GCSH: variants seen among roughly 807,000 people sequenced by gnomAD.
GCSH encodes the protein glycine cleavage system H protein, mitochondrial.
A neutral mutation model predicts 21.3 loss-of-function variants in GCSH; 15 were observed. That is an observed-to-expected ratio of 0.70 (90% CI 0.47 to 1.08). The LOEUF (loss-of-function observed/expected upper bound fraction) is 1.08. Ranked by LOEUF, GCSH falls within the 50% of genes least tolerant of loss-of-function variation. GCSH has a pLI of 0.00. For missense variants in GCSH, 179 were observed against 217.5 expected (o/e 0.82, Z 1.11); for synonymous variants, 59 against 84.5 (o/e 0.70, Z 1.66).
rs1032394934 is a variant in GCSH, at chr16:81,090,899, C to G, written c.149-219G>C. ...AAGCAAAGATGGCTTCATCTGAACA[C>G]CTTGTGCATCTTTTGGAGATTGGAT... On this transcript the variant is annotated intron_variant, in intron 1 of 4. Coordinates refer to ENST00000315467, the MANE Select transcript of GCSH (RefSeq NM_004483.5). 1.3e-5 allele frequency: 8 copies of G among 611,098 alleles called. No individual in the cohort carries two copies. In the Admixed American group the frequency reaches 2.1e-4, roughly 16 times the overall value. The allele number at this position is 611,098 out of a possible 1,614,324, so 37.9% of individuals were successfully genotyped here.
intron 1 of GCSH, among the ~76,000 whole-genome samples, chr16:81,092,433 T>C (rs1056627346): frequency 6.6e-6 from 1 of 152,170 alleles, no homozygotes; most frequent in Non-Finnish European, 1.5e-5. Context: ...AAATAATTTT[T>C]TTTTTCCTTA....
intron 1 of GCSH, 167 bp from the exon 2 acceptor site, chr16:81,090,847 T>C (rs1031435417): frequency 1.3e-5 from 9 of 683,142 alleles, no homozygotes; most frequent in Non-Finnish European, 2.7e-6. Flanking sequence ...TGTATAGAGA[T>C]GACGCATTTA....
In GCSH at chr16:81,096,176, C is replaced by A; in HGVS notation, c.103G>T (p.Val35Leu). The A allele has an allele frequency of 2.3e-6, 3 of 1,318,418 alleles. No homozygotes were observed. The highest frequency in any genetic ancestry group is 2.2e-5 in the South Asian group (1 of 45,908). 81.7% of individuals were successfully genotyped at this position (1,318,418 alleles called of 1,614,324 possible). ...GTGCGCAGCGTACGGACGGCGCCCA[C>A]CCCCAGCTGCCAGGGCCTCGGCGGG... ...PCPPRPWQLG[V>L]GAVRTLRTGP... Residue 35 changes from valine to leucine, a missense_variant, in exon 1 of 5, where the codon GTG becomes TTG. Coordinates refer to ENST00000315467, the MANE Select transcript of GCSH (RefSeq NM_004483.5).
intron 1 of GCSH, among the ~76,000 whole-genome samples, chr16:81,093,102 C>A (rs532807346): frequency 1.1e-4 from 16 of 144,998 alleles, no homozygotes; most frequent in African/African-American, 2.3e-4. Flanking sequence ...ATTGCCTGGG[C>A]GACTAGCGAA....
intron 4 of GCSH, chr16:81,084,229 T>C: frequency 5.0e-6 from 3 of 597,940 alleles, no homozygotes; most frequent in Non-Finnish European, 8.9e-6. Context: ...TCCACCCACC[T>C]TGGCCTCCCA....
chr16:81,090,727 TA>T, intron 1 of GCSH, 47 bp from the exon 2 acceptor site: 2 of 1,309,298 alleles, frequency 1.5e-6, no homozygotes, highest in Non-Finnish European at 2.2e-6. Context: ...CATTACTTCT[TA>T]AGAAGCACTT....
At chr16:81,085,357 A>T (rs779193817) in intron 3 of GCSH, among the ~76,000 whole-genome samples, 9 of 152,280 alleles carry the variant, frequency 5.9e-5, no homozygotes, top group Admixed American at 2.0e-4. Context: ...TTGTCAGGCT[A>T]TAATAACCAC....
intron 1 of GCSH, 102 bp downstream of exon 1, chr16:81,096,029 T>C (rs1001819795): frequency 8.6e-5 from 86 of 1,001,474 alleles, no homozygotes; most frequent in Non-Finnish European, 1.0e-4. Flanking sequence ...TCCGCCCCGG[T>C]GGCTCAGGAG....
At chr16:81,094,477 C>T (rs1477034706) in intron 1 of GCSH, among the ~76,000 whole-genome samples, 3 of 151,194 alleles carry the variant, frequency 2.0e-5, no homozygotes, top group Non-Finnish European at 4.4e-5. Flanking sequence ...TGGATGCCAG[C>T]CTGGGCGACA....
rs1972235806 is a variant in GCSH, at chr16:81,084,674, T to G, written c.293-80A>C. 17 of 1,009,662 alleles carry G rather than the reference T, an allele frequency of 1.7e-5. No homozygotes were observed. The Middle Eastern group carries it at 6.1e-4, about 36-fold the overall frequency. 62.5% of individuals were successfully genotyped at this position (1,009,662 alleles called of 1,614,324 possible). A position where few individuals can be genotyped will look rare whatever the true frequency, so the allele number is the denominator to read the frequency against. On this transcript the variant is annotated intron_variant, in intron 3 of 4. Transcript: ENST00000315467. ...AAACATAAAATACGAAAAAGTAGAT[T>G]CCTGTCATACAGCTATGATTTTAAA...
intron 1 of GCSH, 116 bp from the exon 2 acceptor site, chr16:81,090,796 T>C: frequency 1.3e-6 from 1 of 749,908 alleles, no homozygotes; most frequent in Non-Finnish European, 2.4e-6. Flanking sequence ...CTGTTGACAC[T>C]ACCTTTAAAT....
chr16:81,081,989 G>A lies in GCSH; in HGVS notation c.*877C>T. The stretch of plus-strand genomic sequence containing the variant: ...AGTCCTTGTCCACTTTTATTCCCAT[G>A]ACTTAAGTGGAAACCTGAACGTGGT... On this transcript the variant is annotated 3_prime_UTR_variant, in exon 5 of 5. Transcript: ENST00000315467. 1 of 453,086 alleles carries A rather than the reference G, an allele frequency of 2.2e-6. No individual in the cohort carries two copies. The highest frequency in any genetic ancestry group is 1.6e-5 in the South Asian group (1 of 64,294). 28.1% of individuals were successfully genotyped at this position (453,086 alleles called of 1,614,324 possible).
intron 1 of GCSH, among the ~76,000 whole-genome samples, chr16:81,091,798 T>G (rs1382408622): frequency 1.3e-5 from 2 of 152,088 alleles, no homozygotes; most frequent in Non-Finnish European, 2.9e-5. Flanking sequence ...TTATTTTTTA[T>G]TTTTGTAGAG....
chr16:81,096,024 C>T, intron 1 of GCSH, 107 bp downstream of exon 1: 2 of 965,170 alleles, frequency 2.1e-6, no homozygotes. Context: ...CTCGCTCCGC[C>T]CCGGTGGCTC....
rs1454161354 is a variant in GCSH, at chr16:81,082,835, T to G, written c.*31A>C. ...AAGACAACTCTGCTGGCTTGCGTTATTTCATACTAGTTTATTTAGGAGTTC... is the reference window on the plus strand; with the variant it reads ...AAGACAACTCTGCTGGCTTGCGTTAGTTCATACTAGTTTATTTAGGAGTTC... On this transcript the variant is annotated 3_prime_UTR_variant, in exon 5 of 5. Coordinates refer to ENST00000315467, the MANE Select transcript of GCSH (RefSeq NM_004483.5). 1.0e-6 allele frequency: 1 copy of G among 958,428 alleles called. No homozygotes were observed. Among genetic ancestry groups the G allele is most frequent in the Non-Finnish European group, 1.7e-6 (1 of 585,896 alleles). The allele number at this position is 958,428 out of a possible 1,614,324, so 59.4% of individuals were successfully genotyped here. A position where few individuals can be genotyped will look rare whatever the true frequency, so the allele number is the denominator to read the frequency against.
intron 1 of GCSH, among the ~76,000 whole-genome samples, chr16:81,095,899 G>A (rs1972496075): frequency 6.6e-6 from 1 of 152,152 alleles, no homozygotes; most frequent in Admixed American, 6.5e-5. Flanking sequence ...TCCCCTCCCG[G>A]CTGCATGCAA....
At chr16:81,094,096 C>T (rs962800254) in intron 1 of GCSH, among the ~76,000 whole-genome samples, 2 of 152,054 alleles carry the variant, frequency 1.3e-5, no homozygotes, top group Non-Finnish European at 2.9e-5. Context: ...GACAGGGTTT[C>T]ACCATGTTGG....
At chr16:81,090,793 C>T in intron 1 of GCSH, 113 bp from the exon 2 acceptor site, 1 of 767,678 alleles carries the variant, frequency 1.3e-6, no homozygotes, top group South Asian at 1.4e-5. Context: ...GACCTGTTGA[C>T]ACTACCTTTA....
At chr16:81,094,756 C>G (rs916155962) in intron 1 of GCSH, among the ~76,000 whole-genome samples, 1 of 151,074 alleles carries the variant, frequency 6.6e-6, no homozygotes, top group Admixed American at 6.6e-5. Flanking sequence ...CACTGATCTA[C>G]GCAATCGAAG....
Sources: allele counts gnomAD v4.1 joint callset (sites outside exome capture counted in the v4.1 genomes callset), GRCh38; gene constraint gnomAD v4.1.1; transcripts MANE v1.5; gene names NCBI Gene and HGNC (gene_info 2026-07-23, HGNC 2026-07-21).